MYO18B: variants seen among roughly 807,000 people sequenced by gnomAD.
The protein encoded by MYO18B is unconventional myosin-XVIIIb.
In MYO18B, 204 loss-of-function variants were observed where a neutral mutation model predicts 273.0. The observed-to-expected ratio is 0.75, with a 90% confidence interval of 0.67 to 0.84. The LOEUF (loss-of-function observed/expected upper bound fraction) is 0.84. Among genes scored for constraint, MYO18B ranks in the 40% least tolerant of loss-of-function variants. The pLI is 0.00. For synonymous variants in MYO18B, 1,330 were observed against 1,305.7 expected, an observed-to-expected ratio of 1.02 and a Z score of -0.40; for missense variants, 3,212 against 3,287.6, an observed-to-expected ratio of 0.98 and a Z score of 0.56.
chr22:25,921,204 AC>A, intron 33 of MYO18B, 52 bp from the exon 34 acceptor site: 1 of 1,514,948 alleles, frequency 6.6e-7, no homozygotes, highest in Non-Finnish European at 8.9e-7. Flanking sequence ...GAAAACTTAG[AC>A]CCTGGCCACT....
At chr22:25,810,433 A>ATTT (rs369429871) in intron 12 of MYO18B, among the ~76,000 whole-genome samples, 10 of 96,880 alleles carry the variant, frequency 1.0e-4, no homozygotes, top group Non-Finnish European at 1.9e-4. Flanking sequence ...ATAGGCTATA[A>ATTT]TTTTTTTTTT....
intron 40 of MYO18B, among the ~76,000 whole-genome samples, chr22:26,000,892 G>C (rs1933891801): frequency 6.6e-6 from 1 of 152,174 alleles, no homozygotes; most frequent in East Asian, 1.9e-4. Flanking sequence ...TAGTGAAACA[G>C]GTTCATGGGC....
chr22:25,939,304 ATCTAGG>A (rs2092616593), intron 34 of MYO18B, among the ~76,000 whole-genome samples: 1 of 152,230 alleles, frequency 6.6e-6, no homozygotes, highest in South Asian at 2.1e-4. Context: ...GTTTGGCTAG[ATCTAGG>A]TACCCCAATC....
rs1263802261 is a variant in MYO18B, at chr22:25,872,213, G to A, written c.3952-2073G>A. ...TCCCATTGAGAAAAGGCATAGTGCA[G>A]GATGGTCGGAGATGAGTGGTCTCCA... On this transcript the variant is annotated intron_variant, in intron 22 of 43. Coordinates refer to ENST00000335473, the MANE Select transcript of MYO18B (RefSeq NM_032608.7). Among the ~76,000 whole-genome samples, 4 of 152,290 alleles carry A rather than the reference G, an allele frequency of 2.6e-5. No individual in the cohort carries two copies. The East Asian group carries it at 7.7e-4, about 29-fold the overall frequency.
intron 34 of MYO18B, among the ~76,000 whole-genome samples, chr22:25,928,919 T>C (rs2092459076): frequency 6.6e-6 from 1 of 152,066 alleles, no homozygotes; most frequent in African/African-American, 2.4e-5. Flanking sequence ...CCCAGCACTT[T>C]GGGAGGCCAA....
Position 25,912,001 on chromosome 22 carries a change from C to T in MYO18B, c.5364+951C>T, listed in dbSNP as rs140721637. 2.4e-4 allele frequency among the ~76,000 whole-genome samples: 36 copies of T among 152,264 alleles called. No homozygotes were observed. In the East Asian group the frequency reaches 5.2e-3, roughly 22 times the overall value. The stretch of plus-strand genomic sequence containing the variant: ...TTAATGTATTTGCTTAACATGGGTT[C>T]GATGTCTATTAATTAGTAATGGTCT... On this transcript the variant is annotated intron_variant, in intron 33 of 43. Coordinates refer to ENST00000335473, the MANE Select transcript of MYO18B (RefSeq NM_032608.7).
At chr22:25,946,353 A>G in intron 35 of MYO18B, 103 bp downstream of exon 35, 4 of 722,132 alleles carry the variant, frequency 5.5e-6, no homozygotes, top group Non-Finnish European at 8.9e-6. Flanking sequence ...GTATGAGGAC[A>G]TTTATTGTAA....
At chr22:25,845,919 G>A (rs1569102380) in intron 18 of MYO18B, among the ~76,000 whole-genome samples, 181 bp from the exon 19 acceptor site, 1 of 152,256 alleles carries the variant, frequency 6.6e-6, no homozygotes, top group Non-Finnish European at 1.5e-5. Flanking sequence ...ATGAAGCAAA[G>A]CCTCACCTGG....
At chr22:25,941,873 T>C (rs2092648643) in intron 34 of MYO18B, among the ~76,000 whole-genome samples, 1 of 152,202 alleles carries the variant, frequency 6.6e-6, no homozygotes, top group East Asian at 1.9e-4. Context: ...AAGGCTAAAA[T>C]TCCTCAAGAT....
At chr22:25,815,141 C>T (rs1451781342) in intron 12 of MYO18B, among the ~76,000 whole-genome samples, 1 of 152,216 alleles carries the variant, frequency 6.6e-6, no homozygotes, top group Non-Finnish European at 1.5e-5. Flanking sequence ...TCTTGGGCTT[C>T]CCTTGGACCC....
chr22:25,963,829 C>A (rs1460489512), intron 39 of MYO18B, among the ~76,000 whole-genome samples: 1 of 151,768 alleles, frequency 6.6e-6, no homozygotes, highest in Non-Finnish European at 1.5e-5. Flanking sequence ...AAATGACAGC[C>A]CATAATAAGC....
Position 25,921,489 on chromosome 22 carries a change from A to G in MYO18B, c.5517+80A>G, listed in dbSNP as rs114954424. ...CAGAGAATTGCTGTCCCTCCCAGGT[A>G]TGAGCGGAACCATGGTGCCAACCTC... is the stretch of plus-strand genomic sequence containing the variant. On this transcript the variant is annotated intron_variant, in intron 34 of 43. Coordinates refer to ENST00000335473, the MANE Select transcript of MYO18B (RefSeq NM_032608.7). The G allele has an allele frequency of 4.4e-3, 6,542 of 1,500,570 alleles. 238 individuals carry two copies. In the African/African-American group the frequency reaches 0.082, roughly 19 times the overall value. The allele number at this position is 1,500,570 out of a possible 1,614,324, so 93.0% of individuals were successfully genotyped here. A position where few individuals can be genotyped will look rare whatever the true frequency, so the allele number is the denominator to read the frequency against.
chr22:26,048,923 GT>G, the MYO18B span, among the ~76,000 whole-genome samples: 1 of 152,158 alleles, frequency 6.6e-6, no homozygotes, highest in African/African-American at 2.4e-5. Flanking sequence ...TGGTAGAAGT[GT>G]TTTCTTTTCT....
intron 21 of MYO18B, among the ~76,000 whole-genome samples, chr22:25,867,494 A>G (rs763056488): frequency 2.6e-5 from 4 of 152,230 alleles, no homozygotes; most frequent in African/African-American, 4.8e-5. Context: ...ATTCCATTGT[A>G]TGGATAGACC....
chr22:26,043,813 G>A, the MYO18B span, among the ~76,000 whole-genome samples: 475 of 152,064 alleles, frequency 3.1e-3, no homozygotes, highest in African/African-American at 0.01. Flanking sequence ...CACTGCACCC[G>A]GCCTTCTTTT....
intron 12 of MYO18B, among the ~76,000 whole-genome samples, chr22:25,807,997 A>T (rs2088561085): frequency 6.6e-6 from 1 of 152,020 alleles, no homozygotes; most frequent in Non-Finnish European, 1.5e-5. Flanking sequence ...TAAAAATCAT[A>T]ATGTTGCAAA....
chr22:25,948,527 T>TCTTCCTTCCTTCCTTCCTTCTTTCCTTC (rs2092753776), intron 36 of MYO18B, among the ~76,000 whole-genome samples: 1 of 110,410 alleles, frequency 9.1e-6, no homozygotes, highest in Non-Finnish European at 1.9e-5. Context: ...CTTCTTTCTT[T>TCTTCCTTCCTTCCTTCCTTCTTTCCTTC]CTTCCTTCCT....
At chr22:25,948,459 C>CTTCTTTCTTTCTTTCTTTCTTTCT (rs1158700194) in intron 36 of MYO18B, among the ~76,000 whole-genome samples, 6 of 67,632 alleles carry the variant, frequency 8.9e-5, no homozygotes, top group African/African-American at 3.2e-4. Context: ...TCCTTCCTTC[C>CTTCTTTCTTTCTTTCTTTCTTTCT]TTCTTTCTTT....
chr22:25,761,963 A>G (rs2086335957), intron 2 of MYO18B, among the ~76,000 whole-genome samples: 1 of 152,176 alleles, frequency 6.6e-6, no homozygotes, highest in South Asian at 2.1e-4. Context: ...CTCTACTAAA[A>G]ATACAAAAAA....
Sources: gnomAD v4.1 joint callset for allele counts (sites outside exome capture counted in the v4.1 genomes callset) on GRCh38, gnomAD v4.1.1 for gene constraint, MANE v1.5 for transcripts, NCBI Gene and HGNC (gene_info 2026-07-23, HGNC 2026-07-21) for gene names.